The following PRORP variants were observed in gnomAD, a reference collection of about 807,000 sequenced individuals.
The protein encoded by PRORP is mitochondrial ribonuclease P catalytic subunit.
In PRORP, 51 loss-of-function variants were observed where a neutral mutation model predicts 59.4. That is an observed-to-expected ratio of 0.86 (90% confidence interval 0.69 to 1.08). The LOEUF (loss-of-function observed/expected upper bound fraction) is 1.08. Ranked by LOEUF, PRORP falls within the 50% of genes least tolerant of loss-of-function variation. PRORP has a pLI of 0.00. For synonymous variants in PRORP, 231 were observed against 245.6 expected, an observed-to-expected ratio of 0.94 and a Z score of 0.55; for missense variants, 646 against 690.3, an observed-to-expected ratio of 0.94 and a Z score of 0.72.
chr14:35,167,630 A>G (rs577573820), intron 4 of PRORP, among the ~76,000 whole-genome samples: 40 of 152,276 alleles, frequency 2.6e-4, no homozygotes, highest in African/African-American at 9.6e-4. Flanking sequence ...TTTAGGATCT[A>G]TTTGGCTTCC....
chr14:35,202,095 G>A (rs1385178971), intron 5 of PRORP, among the ~76,000 whole-genome samples: 4 of 150,618 alleles, frequency 2.7e-5, no homozygotes, highest in Admixed American at 2.0e-4. Flanking sequence ...TCAGCCTCCC[G>A]AGTAGCTGGG....
At chr14:35,240,729 C>G (rs556796752) in intron 5 of PRORP, among the ~76,000 whole-genome samples, 1 of 152,198 alleles carries the variant, frequency 6.6e-6, no homozygotes, top group East Asian at 1.9e-4. Context: ...TGTTCCTCCT[C>G]CTCCACATTG....
chr14:35,198,824 A>T (rs945520109), intron 5 of PRORP, among the ~76,000 whole-genome samples: 2 of 152,098 alleles, frequency 1.3e-5, no homozygotes, highest in Non-Finnish European at 2.9e-5. Flanking sequence ...CGAGGTCAAG[A>T]GATTGAGACC....
In PRORP at chr14:35,142,653, A is replaced by G. The variant is rs180973471; in HGVS notation, c.1167+15042A>G. On this transcript the variant is annotated intron_variant, in intron 4 of 7. Coordinates refer to ENST00000534898, the MANE Select transcript of PRORP (RefSeq NM_014672.4). ...GCTCAGAAGTTTGAGACTAGCCTGGACAACATGGCAAAACCCGTTCTCTAA... is the reference window on the plus strand; with the variant it reads ...GCTCAGAAGTTTGAGACTAGCCTGGGCAACATGGCAAAACCCGTTCTCTAA... 9.1e-4 allele frequency among the ~76,000 whole-genome samples: 132 copies of G among 144,472 alleles called. 14 individuals carry two copies. The highest frequency in any genetic ancestry group is 1.9e-3 in the Admixed American group (27 of 13,850). The allele number at this position is 144,472 out of a possible 152,430, so 94.8% of individuals were successfully genotyped here. A position where few individuals can be genotyped will look rare whatever the true frequency, so the allele number is the denominator to read the frequency against.
intron 5 of PRORP, among the ~76,000 whole-genome samples, chr14:35,226,449 C>T (rs1433518449): frequency 6.6e-6 from 1 of 152,138 alleles, no homozygotes; most frequent in African/African-American, 2.4e-5. Context: ...TGGAAATTGG[C>T]ATTTAATCTG....
chr14:35,151,277 TAG>T (rs912192856), intron 4 of PRORP, among the ~76,000 whole-genome samples: 3 of 151,998 alleles, frequency 2.0e-5, no homozygotes, highest in African/African-American at 4.8e-5. Context: ...TTGGTCTTCT[TAG>T]AGAATAGAAT....
intron 5 of PRORP, among the ~76,000 whole-genome samples, chr14:35,239,126 C>T (rs1021257658): frequency 1.3e-5 from 2 of 151,914 alleles, no homozygotes; most frequent in African/African-American, 4.8e-5. Flanking sequence ...GGAGGCGAGG[C>T]GGGCGGATCT....
At chr14:35,125,358 A>G (rs1304794244) in intron 2 of PRORP, among the ~76,000 whole-genome samples, 2 of 152,088 alleles carry the variant, frequency 1.3e-5, no homozygotes, top group East Asian at 1.9e-4. Flanking sequence ...GTTACTGGGT[A>G]CATACCTGTT....
In PRORP at chr14:35,259,917, ATC is replaced by A. The variant is rs2050856038; in HGVS notation, c.1276-6808_1276-6807del. On this transcript the variant is annotated intron_variant, in intron 5 of 7. Transcript: ENST00000534898. ...CAAAAAATAAATAAAATAAAATAAA[ATC>A]TATAGTGTTTTTGAGTGTATCTTTT... 2.0e-5 allele frequency among the ~76,000 whole-genome samples: 3 copies of A among 151,428 alleles called. No individual in the cohort carries two copies. The South Asian group carries it at 6.2e-4, about 31-fold the overall frequency.
chr14:35,180,668 A>T lies in PRORP; in HGVS notation c.1168-2A>T. The T allele has an allele frequency of 6.3e-7, 1 of 1,582,790 alleles. No homozygotes were observed. The highest frequency in any genetic ancestry group is 8.7e-7 in the Non-Finnish European group (1 of 1,152,958). On this transcript the variant is annotated splice_acceptor_variant, in intron 4 of 7. Transcript: ENST00000534898. LOFTEE classifies it high-confidence loss of function. Reference sequence around the variant, plus strand: ...ATGTTTTGTCTGACATTTCTTTATTAGGAACTTAAGAGATTTGAGAACTTC... The same window carrying T: ...ATGTTTTGTCTGACATTTCTTTATTTGGAACTTAAGAGATTTGAGAACTTC...
intron 5 of PRORP, among the ~76,000 whole-genome samples, chr14:35,202,777 G>A (rs917372730): frequency 6.6e-6 from 1 of 152,094 alleles, no homozygotes; most frequent in Non-Finnish European, 1.5e-5. Flanking sequence ...CAACAGGCAT[G>A]TGCCGCCACA....
At chr14:35,174,383 A>ATAG (rs2048392471) in intron 4 of PRORP, among the ~76,000 whole-genome samples, 1 of 151,864 alleles carries the variant, frequency 6.6e-6, no homozygotes, top group African/African-American at 2.4e-5. Flanking sequence ...TTTTTTCTCC[A>ATAG]TAGCATTCTC....
chr14:35,126,189 T>C (rs547579882), intron 2 of PRORP, among the ~76,000 whole-genome samples: 1 of 152,032 alleles, frequency 6.6e-6, no homozygotes, highest in South Asian at 2.1e-4. Context: ...GAGAAGGCAG[T>C]AGAATCATAA....
At chr14:35,159,254 C>T (rs1336664627) in intron 4 of PRORP, among the ~76,000 whole-genome samples, 6 of 152,222 alleles carry the variant, frequency 3.9e-5, no homozygotes, top group East Asian at 3.8e-4. Flanking sequence ...TCTACAGACA[C>T]GTGCGTCAGC....
intron 5 of PRORP, among the ~76,000 whole-genome samples, chr14:35,196,421 C>A (rs551900847): frequency 2.6e-5 from 4 of 152,142 alleles, no homozygotes; most frequent in African/African-American, 4.8e-5. Flanking sequence ...CACTTGAGCC[C>A]TGGAGATCTA....
At chr14:35,266,932 T>G (rs2051057289) in intron 6 of PRORP, 57 bp downstream of exon 6, 11 of 1,573,718 alleles carry the variant, frequency 7.0e-6, no homozygotes, top group Non-Finnish European at 9.6e-6. Flanking sequence ...TATCTGCTTG[T>G]TAGTTACCTA....
intron 5 of PRORP, among the ~76,000 whole-genome samples, chr14:35,253,355 G>GAA (rs2050662239): frequency 2.7e-5 from 3 of 113,008 alleles, no homozygotes; most frequent in African/African-American, 8.4e-5. Flanking sequence ...GAGAGAGAGA[G>GAA]AGAAAGAAAG....
At chr14:35,138,475 G>A (rs1176662742) in intron 4 of PRORP, among the ~76,000 whole-genome samples, 2 of 144,960 alleles carry the variant, frequency 1.4e-5, no homozygotes, top group Non-Finnish European at 3.1e-5. Context: ...TGCCTTCAAT[G>A]TTGCTTTCTA....
At chr14:35,161,326 G>GT (rs1349781088) in intron 4 of PRORP, among the ~76,000 whole-genome samples, 6 of 152,100 alleles carry the variant, frequency 3.9e-5, no homozygotes, top group Non-Finnish European at 8.8e-5. Flanking sequence ...CCTGAGGAAC[G>GT]TAAGGCCCAG....
Sources: allele counts gnomAD v4.1 joint callset (sites outside exome capture counted in the v4.1 genomes callset), GRCh38; gene constraint gnomAD v4.1.1; transcripts MANE v1.5; gene names NCBI Gene and HGNC (gene_info 2026-07-23, HGNC 2026-07-21).